The following ELFN2 variants were observed in gnomAD, a reference collection of about 807,000 sequenced individuals.
The protein encoded by ELFN2 is extracellular leucine rich repeat and fibronectin type III domain containing 2.
A neutral mutation model predicts 45.5 loss-of-function variants in ELFN2; 17 were observed. The ratio of observed to expected loss-of-function variants is 0.37; its 90% CI spans 0.26 to 0.56. ELFN2 has a LOEUF of 0.56. ELFN2 is among the 20% of genes least tolerant of loss of function. The probability of loss-of-function intolerance (pLI) is 0.77; values close to 1 mark genes in which losing one functional copy is unlikely to be tolerated. For missense variants in ELFN2, 922 were observed against 1,183.2 expected (o/e 0.78, Z 3.24); for synonymous variants, 550 against 551.5 (o/e 1.00, Z 0.04).
intron 2 of ELFN2, among the ~76,000 whole-genome samples, chr22:37,390,162 G>T (rs1932054296): frequency 1.3e-5 from 2 of 152,246 alleles, no homozygotes; most frequent in African/African-American, 4.8e-5. Flanking sequence ...TCCAGGCTCT[G>T]AGGACTGCTT....
At chr22:37,414,490 G>A (rs945370791) in intron 2 of ELFN2, among the ~76,000 whole-genome samples, 10 of 152,214 alleles carry the variant, frequency 6.6e-5, no homozygotes, top group African/African-American at 2.4e-4. Context: ...AACAGCAGCT[G>A]TGAGCATTAT....
chr22:37,374,062 C>T lies in ELFN2; in HGVS notation c.1473G>A (p.Leu491=). 1 of 1,613,206 alleles carries T rather than the reference C, an allele frequency of 6.2e-7. No homozygotes were observed. ...CTTTGGTGGCTACCTTGGGTGTGTC[C>T]AGCCCGGCCTCCAACCCCTTGGCGG... is the stretch of plus-strand genomic sequence containing the variant. ...LPTAKGLEAG[L]DTPKVATKGN... Residue 491 remains leucine, a synonymous_variant, in exon 3 of 3, where the codon CTG becomes CTA. Transcript: ENST00000402918.
chr22:37,345,655 C>G (rs1427278829), intron 1 of ELFN2, among the ~76,000 whole-genome samples: 1 of 151,012 alleles, frequency 6.6e-6, no homozygotes, highest in Non-Finnish European at 1.5e-5. Context: ...TCAAGCAATT[C>G]TCCTGCCTCA....
intron 1 of ELFN2, among the ~76,000 whole-genome samples, chr22:37,422,781 G>A (rs997050006): frequency 2.6e-5 from 4 of 151,814 alleles, no homozygotes; most frequent in Non-Finnish European, 5.9e-5. Flanking sequence ...TTTTAGTAGA[G>A]ACAGGGTTTC....
chr22:37,395,202 T>C (rs1168058258), intron 2 of ELFN2, among the ~76,000 whole-genome samples: 3 of 152,130 alleles, frequency 2.0e-5, no homozygotes, highest in Non-Finnish European at 4.4e-5. Context: ...AAAGACAAAG[T>C]GGCCTCACAG....
At chr22:37,398,216 C>T (rs376797655) in intron 2 of ELFN2, among the ~76,000 whole-genome samples, 2 of 152,126 alleles carry the variant, frequency 1.3e-5, no homozygotes, top group Non-Finnish European at 2.9e-5. Flanking sequence ...CTGGGTAGAC[C>T]GTGCCGGGCA....
intron 1 of ELFN2, among the ~76,000 whole-genome samples, chr22:37,357,406 A>T (rs568869115): frequency 8.5e-5 from 13 of 152,350 alleles, no homozygotes; most frequent in Non-Finnish European, 1.6e-4. Flanking sequence ...TCTCTGCCAC[A>T]ACAGAGGAGT....
chr22:37,426,494 G>A (rs1220268331), intron 1 of ELFN2, among the ~76,000 whole-genome samples: 6 of 151,208 alleles, frequency 4.0e-5, no homozygotes, highest in African/African-American at 1.2e-4. Context: ...ACACACACAC[G>A]CACACACCAC....
intron 1 of ELFN2, among the ~76,000 whole-genome samples, chr22:37,347,065 G>GC (rs1014426692): frequency 2.6e-5 from 4 of 151,726 alleles, no homozygotes; most frequent in Non-Finnish European, 5.9e-5. Context: ...TGCAACCTCT[G>GC]CCCCCCCGGT....
At position 37,373,073 on chromosome 22, in the gene ELFN2, CACAGCTTCTGCTGGGCGGA is replaced by C; in HGVS notation, c.2443_2461del (p.Ser815AspfsTer8). 6.3e-7 allele frequency: 1 copy of C among 1,585,614 alleles called. No homozygotes were observed. The highest frequency in any genetic ancestry group is 8.6e-7 in the Non-Finnish European group (1 of 1,161,278). On this transcript the variant is annotated frameshift_variant and stop_lost, in exon 3 of 3. Transcript: ENST00000402918. LOFTEE classifies it high-confidence loss of function. ...CCTCACCAGGGAGGAAGGGGGGGGT[CACAGCTTCTGCTGGGCGGA>C]GACCCCCTTCCAGTAATCAAGGATG...
At chr22:37,356,566 G>A (rs1930954652) in intron 1 of ELFN2, among the ~76,000 whole-genome samples, 1 of 152,138 alleles carries the variant, frequency 6.6e-6, no homozygotes, top group African/African-American at 2.4e-5. Context: ...CTCCTGGCCA[G>A]GCGTGAACGT....
intron 2 of ELFN2, among the ~76,000 whole-genome samples, chr22:37,404,934 C>T (rs1183936501): frequency 2.0e-5 from 3 of 152,178 alleles, no homozygotes; most frequent in Non-Finnish European, 4.4e-5. Context: ...GCCATCCCCC[C>T]AGATCCTTAG....
intron 2 of ELFN2, among the ~76,000 whole-genome samples, chr22:37,385,879 G>C (rs1331685064): frequency 3.3e-5 from 5 of 152,126 alleles, no homozygotes; most frequent in Admixed American, 1.3e-4. Context: ...TGGGGCTCAA[G>C]GATTCTAGGA....
At chr22:37,356,471 G>T (rs1930952346) in intron 1 of ELFN2, among the ~76,000 whole-genome samples, 1 of 152,220 alleles carries the variant, frequency 6.6e-6, no homozygotes, top group South Asian at 2.1e-4. Context: ...CAGGGTTAGA[G>T]GGGGCACCTT....
At chr22:37,425,506 C>T (rs539400765) in intron 1 of ELFN2, among the ~76,000 whole-genome samples, 40 of 152,302 alleles carry the variant, frequency 2.6e-4, no homozygotes, top group South Asian at 4.1e-4. Context: ...CACACACTCC[C>T]GTGACATCAC....
Position 37,374,952 on chromosome 22 carries a change from C to T in ELFN2, c.583G>A (p.Gly195Ser), listed in dbSNP as rs1369678847. ...NPFNCECDLF[G>S]FLAWLVVFNN... ...AAGACCACCAGCCAGGCCAGGAAGCCGAAGAGGTCGCACTCACAGTTGAAG... is the reference window on the plus strand; with the variant it reads ...AAGACCACCAGCCAGGCCAGGAAGCTGAAGAGGTCGCACTCACAGTTGAAG... The change falls in exon 3 of 3, where the codon GGC becomes AGC. Residue 195 changes from glycine to serine, a missense_variant. Transcript: ENST00000402918. 6.2e-6 allele frequency: 10 copies of T among 1,613,016 alleles called. No homozygotes were observed. In the South Asian group the frequency reaches 8.8e-5, roughly 14 times the overall value.
At chr22:37,350,554 C>A (rs1008042701) in intron 1 of ELFN2, among the ~76,000 whole-genome samples, 1 of 150,662 alleles carries the variant, frequency 6.6e-6, no homozygotes, top group Non-Finnish European at 1.5e-5. Context: ...GCCTCCCCAC[C>A]GCAGGGCCCT....
chr22:37,409,938 G>T (rs1204299640), intron 2 of ELFN2, among the ~76,000 whole-genome samples: 1 of 152,188 alleles, frequency 6.6e-6, no homozygotes, highest in Non-Finnish European at 1.5e-5. Context: ...TTGGGAACAG[G>T]CAGTGGCCCA....
intron 2 of ELFN2, among the ~76,000 whole-genome samples, chr22:37,408,818 G>A (rs1932575158): frequency 6.6e-6 from 1 of 152,174 alleles, no homozygotes; most frequent in African/African-American, 2.4e-5. Context: ...TAGGGATGGT[G>A]ACAGTATCTA....
Sources: gnomAD v4.1 joint callset for allele counts (sites outside exome capture counted in the v4.1 genomes callset) on GRCh38, gnomAD v4.1.1 for gene constraint, MANE v1.5 for transcripts, NCBI Gene and HGNC (gene_info 2026-07-23, HGNC 2026-07-21) for gene names.